Variants in ANGPT1 observed in about 807,000 individuals in gnomAD.
The protein encoded by ANGPT1 is angiopoietin 1, also known as angiopoietin-1.
In ANGPT1, 17 loss-of-function variants were observed where a neutral mutation model predicts 62.2. The ratio of observed to expected loss-of-function variants is 0.27; its 90% confidence interval spans 0.19 to 0.41. The LOEUF (loss-of-function observed/expected upper bound fraction) is 0.41, where lower values mean the gene tolerates loss of function less well. Among genes scored for constraint, ANGPT1 ranks in the 10% least tolerant of loss-of-function variants. The probability of loss-of-function intolerance (pLI) is 1.00; values close to 1 mark genes in which losing one functional copy is unlikely to be tolerated. For synonymous variants in ANGPT1, 199 were observed against 198.9 expected (o/e 1.00, Z 0.00); for missense variants, 478 against 594.9 (o/e 0.80, Z 2.04).
chr8:107,337,401 C>A (rs1040586076), intron 2 of ANGPT1, among the ~76,000 whole-genome samples: 2 of 152,058 alleles, frequency 1.3e-5, no homozygotes, highest in African/African-American at 4.8e-5. Flanking sequence ...CCCATGTGTC[C>A]AGCTGGGCCT....
At chr8:107,404,366 T>G (rs933948732) in intron 1 of ANGPT1, among the ~76,000 whole-genome samples, 1 of 152,146 alleles carries the variant, frequency 6.6e-6, no homozygotes, top group Non-Finnish European at 1.5e-5. Flanking sequence ...CCAAAGATCC[T>G]TGGTTCGTGT....
intron 1 of ANGPT1, among the ~76,000 whole-genome samples, chr8:107,458,425 A>T (rs1051041001): frequency 1.1e-4 from 17 of 152,196 alleles, no homozygotes; most frequent in Non-Finnish European, 2.5e-4. Flanking sequence ...TATTTGACAT[A>T]ATTATGGGTT....
intron 1 of ANGPT1, among the ~76,000 whole-genome samples, chr8:107,434,902 C>T (rs1374829196): frequency 6.6e-6 from 1 of 152,178 alleles, no homozygotes; most frequent in African/African-American, 2.4e-5. Context: ...ACTATTTAAA[C>T]TGCAGTCAAA....
At chr8:107,357,219 T>C (rs1816065007) in intron 1 of ANGPT1, among the ~76,000 whole-genome samples, 1 of 152,224 alleles carries the variant, frequency 6.6e-6, no homozygotes, top group African/African-American at 2.4e-5. Flanking sequence ...ACAGCTCCAG[T>C]ATTCTGCCTA....
intron 6 of ANGPT1, among the ~76,000 whole-genome samples, chr8:107,292,938 GTT>G (rs1247948892): frequency 6.6e-6 from 1 of 152,042 alleles, no homozygotes; most frequent in Non-Finnish European, 1.5e-5. Flanking sequence ...TTATCTAGAG[GTT>G]TCAGCTGCAA....
At chr8:107,330,438 T>C (rs555790158) in intron 3 of ANGPT1, among the ~76,000 whole-genome samples, 3 of 152,272 alleles carry the variant, frequency 2.0e-5, no homozygotes, top group South Asian at 4.1e-4. Context: ...AATAAGATTA[T>C]TGGAAGTAAG....
chr8:107,465,651 G>A (rs140029676), intron 1 of ANGPT1, among the ~76,000 whole-genome samples: 14 of 152,148 alleles, frequency 9.2e-5, no homozygotes, highest in East Asian at 5.8e-4. Context: ...ATACATCTTC[G>A]TTTTCAAGTA....
chr8:107,445,774 T>A (rs906608417), intron 1 of ANGPT1, among the ~76,000 whole-genome samples: 1 of 152,102 alleles, frequency 6.6e-6, no homozygotes, highest in African/African-American at 2.4e-5. Context: ...TGATTTAAAC[T>A]AGAACTGTTT....
intron 1 of ANGPT1, among the ~76,000 whole-genome samples, chr8:107,461,403 T>C (rs548891208): frequency 2.0e-5 from 3 of 152,274 alleles, no homozygotes; most frequent in African/African-American, 7.2e-5. Context: ...ACCTCTTAAT[T>C]CTTACTATTA....
intron 1 of ANGPT1, among the ~76,000 whole-genome samples, chr8:107,428,858 A>G (rs1409052250): frequency 1.3e-5 from 2 of 152,214 alleles, no homozygotes; most frequent in African/African-American, 4.8e-5. Flanking sequence ...AAAAGCATTC[A>G]TCCTATTATT....
intron 1 of ANGPT1, among the ~76,000 whole-genome samples, chr8:107,399,112 C>T (rs779643577): frequency 2.0e-5 from 3 of 152,150 alleles, no homozygotes; most frequent in South Asian, 2.1e-4. Context: ...GTGTCACAAT[C>T]GGTGGGTATT....
At chr8:107,299,415 AT>A (rs1814501968) in intron 5 of ANGPT1, among the ~76,000 whole-genome samples, 5 of 142,632 alleles carry the variant, frequency 3.5e-5, no homozygotes, top group Non-Finnish European at 7.6e-5. Flanking sequence ...ATATATATAT[AT>A]ATATAAACAT....
chr8:107,497,739 T>A lies in ANGPT1; in HGVS notation c.-181A>T. On this transcript the variant is annotated 5_prime_UTR_variant, in exon 1 of 9. Coordinates refer to ENST00000517746, the MANE Select transcript of ANGPT1 (RefSeq NM_001146.5). ...ATTTGTTAGCTTTGTTCTAAAATTT[T>A]AAAATTTTTTATTTCACTGCAATGA... 1.5e-6 allele frequency: 1 copy of A among 666,580 alleles called. No homozygotes were observed. Among genetic ancestry groups the A allele is most frequent in the Non-Finnish European group, 2.5e-6 (1 of 407,180 alleles). 41.3% of individuals were successfully genotyped at this position (666,580 alleles called of 1,614,324 possible). A position where few individuals can be genotyped will look rare whatever the true frequency, so the allele number is the denominator to read the frequency against.
chr8:107,375,329 CCTT>C (rs1287285782), intron 1 of ANGPT1, among the ~76,000 whole-genome samples: 3 of 152,064 alleles, frequency 2.0e-5, no homozygotes, highest in African/African-American at 7.2e-5. Flanking sequence ...ATGCTTAAAT[CCTT>C]CTTTTGTCCA....
At chr8:107,306,580 T>C (rs1814723766) in intron 4 of ANGPT1, among the ~76,000 whole-genome samples, 1 of 152,126 alleles carries the variant, frequency 6.6e-6, no homozygotes, top group East Asian at 1.9e-4. Flanking sequence ...ATTATAAAAC[T>C]GGACACCTAG....
At chr8:107,413,135 G>C (rs977144843) in intron 1 of ANGPT1, among the ~76,000 whole-genome samples, 1 of 152,166 alleles carries the variant, frequency 6.6e-6, no homozygotes, top group Admixed American at 6.5e-5. Flanking sequence ...GGGTGAAACA[G>C]TGTCAGGCAT....
chr8:107,298,632 G>T (rs1453190219), intron 5 of ANGPT1, among the ~76,000 whole-genome samples: 1 of 151,696 alleles, frequency 6.6e-6, no homozygotes, highest in East Asian at 1.9e-4. Context: ...AACTTTCAAA[G>T]ACATTTTTTT....
At chr8:107,466,969 A>G (rs754173679) in intron 1 of ANGPT1, among the ~76,000 whole-genome samples, 25 of 152,038 alleles carry the variant, frequency 1.6e-4, no homozygotes, top group Non-Finnish European at 3.5e-4. Flanking sequence ...CTCCACCAGT[A>G]CTACCTTAAG....
At chr8:107,331,808 G>A (rs909301762) in intron 3 of ANGPT1, among the ~76,000 whole-genome samples, 6 of 152,048 alleles carry the variant, frequency 3.9e-5, no homozygotes, top group Non-Finnish European at 4.4e-5. Flanking sequence ...CACTCTGAAC[G>A]GTCTTACTGA....
Sources: allele counts gnomAD v4.1 joint callset (sites outside exome capture counted in the v4.1 genomes callset), GRCh38; gene constraint gnomAD v4.1.1; transcripts MANE v1.5; gene names NCBI Gene and HGNC (gene_info 2026-07-23, HGNC 2026-07-21).